The following KCNC2 variants were observed in gnomAD, a reference collection of about 807,000 sequenced individuals.
KCNC2 encodes the protein potassium voltage-gated channel subfamily C member 2, also known as voltage-gated potassium channel KCNC2.
KCNC2 carries 21 observed loss-of-function variants against 44.5 expected under a neutral mutation model. The ratio of observed to expected loss-of-function variants is 0.47; its 90% CI spans 0.33 to 0.68. KCNC2 has a LOEUF of 0.68. Among genes scored for constraint, KCNC2 ranks in the 30% least tolerant of loss-of-function variants. The pLI, the probability that KCNC2 is intolerant of heterozygous loss-of-function variation, is 0.01. For missense variants in KCNC2, 589 were observed against 826.2 expected (o/e 0.71, Z 3.52); for synonymous variants, 391 against 339.1 (o/e 1.15, Z -1.68).
At chr12:75,144,873 T>G (rs956311865) in intron 2 of KCNC2, among the ~76,000 whole-genome samples, 2 of 152,070 alleles carry the variant, frequency 1.3e-5, no homozygotes, top group African/African-American at 4.8e-5. Context: ...AGTAGAGTCT[T>G]TCCATAATCG....
intron 2 of KCNC2, among the ~76,000 whole-genome samples, chr12:75,098,213 TAGAAG>T (rs1481681702): frequency 6.6e-6 from 1 of 152,166 alleles, no homozygotes; most frequent in African/African-American, 2.4e-5. Flanking sequence ...CAACATTTAA[TAGAAG>T]AGAAGTTTGC....
chr12:75,198,148 T>A (rs2030936968), intron 2 of KCNC2, among the ~76,000 whole-genome samples: 1 of 151,954 alleles, frequency 6.6e-6, no homozygotes, highest in Non-Finnish European at 1.5e-5. Flanking sequence ...TGTTTGATCT[T>A]ATTAGTTTGC....
At chr12:75,092,683 C>T (rs1247541794) in intron 2 of KCNC2, among the ~76,000 whole-genome samples, 2 of 151,670 alleles carry the variant, frequency 1.3e-5, no homozygotes, top group South Asian at 4.2e-4. Context: ...AACACAAAAA[C>T]ATTAAAATTT....
At chr12:75,092,878 G>A (rs115387007) in intron 2 of KCNC2, among the ~76,000 whole-genome samples, 1,813 of 151,512 alleles carry the variant, frequency 0.012, 31 homozygotes, top group African/African-American at 0.041. Context: ...CTAATATGTG[G>A]ATAAGCTTAT....
chr12:75,041,619 A>ATT lies in KCNC2; in HGVS notation c.*1485_*1486insAA. 9.8e-7 allele frequency: 1 copy of ATT among 1,022,992 alleles called. No individual in the cohort carries two copies. Among genetic ancestry groups the ATT allele is most frequent in the Non-Finnish European group, 1.2e-6 (1 of 851,484 alleles). The allele number at this position is 1,022,992 out of a possible 1,614,324, so 63.4% of individuals were successfully genotyped here. On this transcript the variant is annotated 3_prime_UTR_variant, in exon 5 of 5. Coordinates refer to ENST00000549446, the MANE Select transcript of KCNC2 (RefSeq NM_139137.4). ...TGAATTCATAGGAATGCATAAATAG[A>ATT]CTTTCTTCCACTCAGACTGAATATG...
intron 2 of KCNC2, among the ~76,000 whole-genome samples, chr12:75,161,181 CA>C (rs1463478478): frequency 6.6e-6 from 1 of 151,492 alleles, no homozygotes; most frequent in Non-Finnish European, 1.5e-5. Flanking sequence ...TTTTTTCTTT[CA>C]AAAGGTGTCA....
At chr12:75,143,707 T>A (rs1889817565) in intron 2 of KCNC2, among the ~76,000 whole-genome samples, 1 of 152,218 alleles carries the variant, frequency 6.6e-6, no homozygotes, top group Non-Finnish European at 1.5e-5. Context: ...TTATTCTTCA[T>A]GCTTCTCCCT....
chr12:75,186,570 G>A (rs567883500), intron 2 of KCNC2, among the ~76,000 whole-genome samples: 2 of 152,094 alleles, frequency 1.3e-5, no homozygotes, highest in East Asian at 3.9e-4. Context: ...TTATTCAAGG[G>A]ACACTTTTAT....
At chr12:75,168,970 A>G (rs973375195) in intron 2 of KCNC2, among the ~76,000 whole-genome samples, 1 of 151,490 alleles carries the variant, frequency 6.6e-6, no homozygotes, top group South Asian at 2.1e-4. Flanking sequence ...TAAGAGAAAG[A>G]TTTTCCTTTT....
intron 2 of KCNC2, among the ~76,000 whole-genome samples, chr12:75,114,214 G>C (rs1383601289): frequency 6.6e-6 from 1 of 152,132 alleles, no homozygotes; most frequent in East Asian, 1.9e-4. Context: ...TACAGACCCA[G>C]AAACAATTAT....
intron 2 of KCNC2, among the ~76,000 whole-genome samples, chr12:75,071,743 A>G (rs1592804085): frequency 6.6e-6 from 1 of 151,964 alleles, no homozygotes; most frequent in East Asian, 1.9e-4. Context: ...CGAGGTCAGG[A>G]GTTTGAGACC....
rs989101136 is a variant in KCNC2 at position 75,156,853 on chromosome 12, C to A, written c.687+50444G>T. On this transcript the variant is annotated intron_variant, in intron 2 of 4. Coordinates refer to ENST00000549446, the MANE Select transcript of KCNC2 (RefSeq NM_139137.4). The stretch of plus-strand genomic sequence containing the variant: ...TTATCATACCCAAATAATATCACAC[C>A]TAAATAATTCATCGTAGTATCATTT... 3.3e-5 allele frequency among the ~76,000 whole-genome samples: 5 copies of A among 151,898 alleles called. No individual in the cohort carries two copies. The East Asian group carries it at 9.7e-4, about 30-fold the overall frequency.
intron 2 of KCNC2, among the ~76,000 whole-genome samples, chr12:75,155,124 GA>G (rs34133100): frequency 0.44 from 64,648 of 148,594 alleles, 16,262 homozygotes; most frequent in African/African-American, 0.71. Flanking sequence ...TCTCTCCCAA[GA>G]AAAAAAAACG....
At chr12:75,117,166 ACTGAGAAG>A (rs1393049497) in intron 2 of KCNC2, among the ~76,000 whole-genome samples, 10 of 152,180 alleles carry the variant, frequency 6.6e-5, no homozygotes, top group Non-Finnish European at 8.8e-5. Flanking sequence ...GTCTCTGTAC[ACTGAGAAG>A]CTTCTGGGTT....
intron 2 of KCNC2, among the ~76,000 whole-genome samples, chr12:75,195,095 T>C (rs754609192): frequency 1.3e-4 from 20 of 152,186 alleles, no homozygotes; most frequent in African/African-American, 3.6e-4. Context: ...GGAATCCACA[T>C]GGATTTCTAC....
At chr12:75,164,610 G>C (rs1199879625) in intron 2 of KCNC2, among the ~76,000 whole-genome samples, 1 of 151,590 alleles carries the variant, frequency 6.6e-6, no homozygotes, top group Admixed American at 6.6e-5. Context: ...GTAGAATTCT[G>C]GTAACAAACA....
rs1890580699 is a variant in KCNC2, at chr12:75,153,901, T to G, written c.687+53396A>C. ...GAGGAGGAGGCAGAAGACAAGAGGT[T>G]GGTCTTGTCTCAGGGATGGCAGAGG... is the stretch of plus-strand genomic sequence containing the variant. On this transcript the variant is annotated intron_variant, in intron 2 of 4. Transcript: ENST00000549446. Among the ~76,000 whole-genome samples the G allele has an allele frequency of 2.6e-5, 4 of 151,782 alleles. No homozygotes were observed. In the South Asian group the frequency reaches 6.2e-4, roughly 24 times the overall value.
chr12:75,056,730 A>T (rs1482683792), intron 2 of KCNC2, among the ~76,000 whole-genome samples: 1 of 152,072 alleles, frequency 6.6e-6, no homozygotes, highest in Non-Finnish European at 1.5e-5. Context: ...ATTATTTATA[A>T]TTAAAAAATA....
chr12:75,096,033 C>A (rs902582387), intron 2 of KCNC2, among the ~76,000 whole-genome samples: 7 of 151,256 alleles, frequency 4.6e-5, no homozygotes, highest in Non-Finnish European at 1.0e-4. Flanking sequence ...TACTAGTGAC[C>A]CTCCAAAATT....
Sources: allele counts gnomAD v4.1 joint callset (sites outside exome capture counted in the v4.1 genomes callset), GRCh38; gene constraint gnomAD v4.1.1; transcripts MANE v1.5; gene names NCBI Gene and HGNC (gene_info 2026-07-23, HGNC 2026-07-21).